CLOCK: variants seen among roughly 807,000 people sequenced by gnomAD.
The protein encoded by CLOCK is clock circadian regulator.
In CLOCK, 43 loss-of-function variants were observed where a neutral mutation model predicts 118.4. The observed-to-expected ratio is 0.36, with a 90% CI of 0.28 to 0.47. CLOCK has a LOEUF of 0.47. Ranked by LOEUF, CLOCK falls within the 20% of genes least tolerant of loss-of-function variation. CLOCK has a pLI of 1.00. For missense variants in CLOCK, 846 were observed against 999.9 expected (o/e 0.85, Z 2.08); for synonymous variants, 326 against 339.2 (o/e 0.96, Z 0.43).
intron 6 of CLOCK, among the ~76,000 whole-genome samples, chr4:55,477,374 C>T (rs1490748893): frequency 1.3e-5 from 2 of 151,904 alleles, no homozygotes; most frequent in Non-Finnish European, 2.9e-5. Flanking sequence ...GAGATACTAT[C>T]TGTAGAGGTA....
intron 9 of CLOCK, among the ~76,000 whole-genome samples, chr4:55,463,322 TAAC>T (rs926138130): frequency 3.9e-5 from 6 of 152,216 alleles, no homozygotes; most frequent in Non-Finnish European, 7.4e-5. Flanking sequence ...TCCAATTGGT[TAAC>T]AATGGTGAAA....
intron 18 of CLOCK, 89 bp downstream of exon 18, chr4:55,448,690 A>G (rs1577695750): frequency 9.8e-7 from 1 of 1,025,100 alleles, no homozygotes. Flanking sequence ...GGTGCTTGCC[A>G]GCAAGCCTGG....
At chr4:55,436,875 CTA>C (rs1331760867) in intron 22 of CLOCK, among the ~76,000 whole-genome samples, 1 of 142,420 alleles carries the variant, frequency 7.0e-6, no homozygotes, top group Non-Finnish European at 1.5e-5. Context: ...TTTGTGGGTC[CTA>C]TGTCTTTGGG....
rs1724601313 is a variant in CLOCK at position 55,452,981 on chromosome 4, CTATTAAT to C, written c.1206+66_1206+72del. 4.8e-6 allele frequency: 5 copies of C among 1,031,536 alleles called. No homozygotes were observed. The South Asian group carries it at 5.8e-5, about 12-fold the overall frequency. 63.9% of individuals were successfully genotyped at this position (1,031,536 alleles called of 1,614,324 possible). On this transcript the variant is annotated intron_variant, in intron 15 of 22. Transcript: ENST00000513440. Reference sequence around the variant, plus strand: ...AAAGTATTTTTGAAAAATAGTTTTCCTATTAATTATTGAGTTTCATCTTTTATTGGGG... The same window carrying C: ...AAAGTATTTTTGAAAAATAGTTTTCCTATTGAGTTTCATCTTTTATTGGGG...
In CLOCK at chr4:55,430,625, A is replaced by G. The variant is rs1722435225; in HGVS notation, c.*4790T>C. ...TTTTCTCAGTCCTTTTTGTGCAAAA[A>G]TATTACAAGAGCAATTCAAATGGAA... is the stretch of plus-strand genomic sequence containing the variant. On this transcript the variant is annotated 3_prime_UTR_variant, in exon 23 of 23. Transcript: ENST00000513440. The G allele has an allele frequency of 6.6e-6, 1 of 152,166 alleles. No homozygotes were observed. Among genetic ancestry groups the G allele is most frequent in the Admixed American group, 6.6e-5 (1 of 15,264 alleles). 9.4% of individuals were successfully genotyped at this position (152,166 alleles called of 1,614,324 possible).
chr4:55,471,902 G>C (rs1011404470), intron 7 of CLOCK, among the ~76,000 whole-genome samples: 2 of 151,982 alleles, frequency 1.3e-5, no homozygotes, highest in African/African-American at 4.8e-5. Flanking sequence ...GCGAAACCTT[G>C]TCTCTGAAAA....
At chr4:55,529,260 G>C (rs1730389502) in intron 1 of CLOCK, among the ~76,000 whole-genome samples, 1 of 152,170 alleles carries the variant, frequency 6.6e-6, no homozygotes, top group Admixed American at 6.5e-5. Flanking sequence ...CTGAGCTCAA[G>C]TGATCTTCCT....
Position 55,432,709 on chromosome 4 carries a change from T to A in CLOCK, c.*2706A>T, listed in dbSNP as rs1431616205. On this transcript the variant is annotated 3_prime_UTR_variant, in exon 23 of 23. Transcript: ENST00000513440. The stretch of plus-strand genomic sequence containing the variant: ...CAGCAAAGAGGCAGCTGGTGCTTAC[T>A]ACCTCTTCCACTACTACGCTTCAGA... 1 of 152,118 alleles carries A rather than the reference T, an allele frequency of 6.6e-6. No homozygotes were observed. The highest frequency in any genetic ancestry group is 1.9e-4 in the East Asian group (1 of 5,184). The allele number at this position is 152,118 out of a possible 1,614,324, so 9.4% of individuals were successfully genotyped here. A position where few individuals can be genotyped will look rare whatever the true frequency, so the allele number is the denominator to read the frequency against.
chr4:55,447,044 TTTTG>T (rs966243043), intron 18 of CLOCK, among the ~76,000 whole-genome samples: 1 of 152,088 alleles, frequency 6.6e-6, no homozygotes, highest in African/African-American at 2.4e-5. Context: ...AAGTTTTTTT[TTTTG>T]TTTTTTTTTA....
At chr4:55,499,437 C>T (rs892000916) in intron 2 of CLOCK, among the ~76,000 whole-genome samples, 5 of 152,198 alleles carry the variant, frequency 3.3e-5, no homozygotes, top group Non-Finnish European at 7.3e-5. Flanking sequence ...GGGATGGTTT[C>T]TGGACAAAAC....
intron 8 of CLOCK, among the ~76,000 whole-genome samples, chr4:55,468,840 T>C (rs376523669): frequency 7.9e-5 from 12 of 152,180 alleles, no homozygotes; most frequent in Admixed American, 3.3e-4. Flanking sequence ...TTGGTCAACA[T>C]TGGACTGCAT....
intron 9 of CLOCK, among the ~76,000 whole-genome samples, chr4:55,462,616 G>C (rs990008327): frequency 6.6e-6 from 1 of 152,080 alleles, no homozygotes; most frequent in African/African-American, 2.4e-5. Flanking sequence ...CTTGTTCTAC[G>C]TATTTACCTC....
At chr4:55,494,725 T>G (rs989766872) in intron 2 of CLOCK, among the ~76,000 whole-genome samples, 2 of 152,152 alleles carry the variant, frequency 1.3e-5, no homozygotes, top group Non-Finnish European at 2.9e-5. Context: ...ATGATAATTC[T>G]TTTAAAAAGA....
At chr4:55,518,266 T>G (rs1400474323) in intron 1 of CLOCK, among the ~76,000 whole-genome samples, 1 of 152,076 alleles carries the variant, frequency 6.6e-6, no homozygotes, top group African/African-American at 2.4e-5. Context: ...TACCAAGCTA[T>G]GCAGAGCCAT....
In CLOCK at chr4:55,546,836, G is replaced by C. The variant is rs1731672422; in HGVS notation, c.-344C>G. The C allele has an allele frequency of 6.6e-6, 1 of 152,198 alleles. No homozygotes were observed. The highest frequency in any genetic ancestry group is 6.5e-5 in the Admixed American group (1 of 15,268). The allele number at this position is 152,198 out of a possible 1,614,324, so 9.4% of individuals were successfully genotyped here. On this transcript the variant is annotated 5_prime_UTR_variant, in exon 1 of 23. Transcript: ENST00000513440. Reference sequence around the variant, plus strand: ...TTTCCTTCGCGCTCTCGCTCTCCGGGGTTTCCTTTTTTAAACCGGCAGCCG... The same window carrying C: ...TTTCCTTCGCGCTCTCGCTCTCCGGCGTTTCCTTTTTTAAACCGGCAGCCG...
chr4:55,457,310 C>CT (rs2109792938), intron 11 of CLOCK, among the ~76,000 whole-genome samples: 1 of 152,284 alleles, frequency 6.6e-6, no homozygotes, highest in African/African-American at 2.4e-5. Flanking sequence ...AAAACATACT[C>CT]TTTCATTTTT....
At chr4:55,485,828 A>G (rs1226464259) in intron 3 of CLOCK, among the ~76,000 whole-genome samples, 1 of 152,206 alleles carries the variant, frequency 6.6e-6, no homozygotes, top group East Asian at 1.9e-4. Flanking sequence ...TACATATTGC[A>G]TGCCTTTATC....
At chr4:55,536,777 C>G (rs1730934193) in intron 1 of CLOCK, among the ~76,000 whole-genome samples, 2 of 152,182 alleles carry the variant, frequency 1.3e-5, no homozygotes, top group Admixed American at 6.6e-5. Context: ...TCCCCCACCC[C>G]TCTCCCAACC....
intron 3 of CLOCK, among the ~76,000 whole-genome samples, chr4:55,484,821 C>A (rs1452131853): frequency 1.3e-5 from 2 of 152,092 alleles, no homozygotes; most frequent in Admixed American, 1.3e-4. Flanking sequence ...ACAGGAAAAG[C>A]CTTGCTGACT....
Sources: allele counts gnomAD v4.1 joint callset (sites outside exome capture counted in the v4.1 genomes callset), GRCh38; gene constraint gnomAD v4.1.1; transcripts MANE v1.5; gene names NCBI Gene and HGNC (gene_info 2026-07-23, HGNC 2026-07-21).